The following SECISBP2 variants were observed in gnomAD, a reference collection of about 807,000 sequenced individuals.
SECISBP2 encodes selenocysteine insertion sequence-binding protein 2.
Under a neutral mutation model 98.2 loss-of-function variants are expected in SECISBP2, and 96 were observed. The observed-to-expected ratio is 0.98, with a 90% CI of 0.83 to 1.16. SECISBP2 has a LOEUF of 1.16. Ranked by LOEUF, SECISBP2 falls within the 50% of genes most tolerant of loss-of-function variation. The pLI is 0.00. For missense variants in SECISBP2, 1,046 were observed against 1,022.9 expected, an observed-to-expected ratio of 1.02 and a Z score of -0.31; for synonymous variants, 407 against 370.2, an observed-to-expected ratio of 1.10 and a Z score of -1.14.
At chr9:89,354,526 C>T (rs528262808) in intron 14 of SECISBP2, among the ~76,000 whole-genome samples, 1 of 152,278 alleles carries the variant, frequency 6.6e-6, no homozygotes, top group East Asian at 1.9e-4. Context: ...TGTTGGGGGC[C>T]GGTCACGCAG....
intron 1 of SECISBP2, 122 bp from the exon 2 acceptor site, chr9:89,319,530 A>G (rs953061550): frequency 1.7e-6 from 2 of 1,142,978 alleles, no homozygotes; most frequent in Admixed American, 1.7e-5. Flanking sequence ...ACGAGGCAGA[A>G]GTTTTTAAAC....
At chr9:89,353,217 C>G (rs542394198) in intron 14 of SECISBP2, among the ~76,000 whole-genome samples, 1 of 152,278 alleles carries the variant, frequency 6.6e-6, no homozygotes, top group South Asian at 2.1e-4. Context: ...CCAGCAAGTT[C>G]CCAGGTGCTG....
chr9:89,319,144 A>C lies in SECISBP2; in HGVS notation c.37-508A>C, dbSNP rs1269949036. 1.0e-5 allele frequency: 8 copies of C among 777,342 alleles called. No homozygotes were observed. The African/African-American group carries it at 1.1e-4, about 11-fold the overall frequency. The allele number at this position is 777,342 out of a possible 1,614,324, so 48.2% of individuals were successfully genotyped here. ...TGAAATTTCAAAGGCTCGTGGTGAT[A>C]ATATTTTCTAGCAAAGCAAGGTTTG... On this transcript the variant is annotated intron_variant, in intron 1 of 16. Transcript: ENST00000375807.
intron 16 of SECISBP2, among the ~76,000 whole-genome samples, 179 bp downstream of exon 16, chr9:89,358,370 C>G (rs1248877072): frequency 6.6e-6 from 1 of 152,226 alleles, no homozygotes; most frequent in Non-Finnish European, 1.5e-5. Context: ...AAGGGCTTGT[C>G]AGTGACTGTC....
intron 16 of SECISBP2, 31 bp downstream of exon 16, chr9:89,358,222 CG>C (rs773385605): frequency 6.3e-7 from 1 of 1,591,426 alleles, no homozygotes; most frequent in Non-Finnish European, 8.6e-7. Flanking sequence ...TGTGTCAGGT[CG>C]AGTGTCCTCT....
the SECISBP2 span, chr9:89,365,743 G>A: frequency 6.6e-6 from 1 of 152,260 alleles, no homozygotes; most frequent in Non-Finnish European, 1.5e-5. Flanking sequence ...CCAGTTACAG[G>A]TATTAAATGG....
At chr9:89,357,036 G>A in intron 14 of SECISBP2, 1 of 342,856 alleles carries the variant, frequency 2.9e-6, no homozygotes, top group South Asian at 2.3e-5. Context: ...GCCTCGACCA[G>A]GGGTACAATG....
Position 89,328,277 on chromosome 9 carries a change from A to G in SECISBP2, c.575-383A>G, listed in dbSNP as rs146842862. ...TAGGTTTGTTTACACTGGCATCACC[A>G]CAAACGTGAGTAATCGCACCATGAC... On this transcript the variant is annotated intron_variant, in intron 4 of 16. Coordinates refer to ENST00000375807, the MANE Select transcript of SECISBP2 (RefSeq NM_024077.5). 1.6e-3 allele frequency among the ~76,000 whole-genome samples: 242 copies of G among 152,334 alleles called. 1 individual carries two copies. Among genetic ancestry groups the G allele is most frequent in the African/African-American group, 5.7e-3 (235 of 41,576 alleles).
chr9:89,340,781 C>G (rs1829536455), intron 9 of SECISBP2, among the ~76,000 whole-genome samples: 1 of 152,208 alleles, frequency 6.6e-6, no homozygotes, highest in African/African-American at 2.4e-5. Context: ...TACCACTGGG[C>G]TTCCTTGTAC....
chr9:89,326,901 G>A (rs934709489), intron 4 of SECISBP2, among the ~76,000 whole-genome samples: 11 of 152,178 alleles, frequency 7.2e-5, no homozygotes, highest in Admixed American at 2.0e-4. Flanking sequence ...GGTGGCTCAC[G>A]CCTGTAATCC....
chr9:89,320,382 C>A (rs1389635544), intron 2 of SECISBP2, among the ~76,000 whole-genome samples: 6 of 116,968 alleles, frequency 5.1e-5, no homozygotes, highest in Non-Finnish European at 9.7e-5. Context: ...AAAAAAAAAT[C>A]CCGTTTCAAG....
Position 89,352,024 on chromosome 9 carries a change from A to C in SECISBP2, c.2113+1172A>C, listed in dbSNP as rs1167161970. ...TGTGGGATATTTCCTCCATATCTCC[A>C]TGTAAGAGGCTTGTGAGCAACTGCT... On this transcript the variant is annotated intron_variant, in intron 14 of 16. Transcript: ENST00000375807. 2.0e-5 allele frequency among the ~76,000 whole-genome samples: 3 copies of C among 152,196 alleles called. No individual in the cohort carries two copies. In the East Asian group the frequency reaches 5.8e-4, roughly 29 times the overall value.
rs964425061 is a variant in SECISBP2 at position 89,325,522 on chromosome 9, C to A, written c.278C>A (p.Ser93Tyr). Residue 93 changes from serine to tyrosine, a missense_variant, in exon 3 of 17, where the codon TCT (serine) becomes TAT (tyrosine). Coordinates refer to ENST00000375807, the MANE Select transcript of SECISBP2 (RefSeq NM_024077.5). ...ATAACTCTTCATCCATATGCCTATT[C>A]TCCTTATACCCTTGACTCCACACAG... ...SEITLHPYAY[S>Y]PYTLDSTQNV... 2 of 1,613,728 alleles carry A rather than the reference C, an allele frequency of 1.2e-6. No individual in the cohort carries two copies. Among genetic ancestry groups the A allele is most frequent in the African/African-American group, 2.7e-5 (2 of 74,728 alleles).
At chr9:89,357,147 C>G (rs1278537157) in intron 14 of SECISBP2, 12 of 491,682 alleles carry the variant, frequency 2.4e-5, no homozygotes, top group African/African-American at 2.3e-4. Context: ...GACACAGGAG[C>G]TAATAGGTGG....
In SECISBP2 at chr9:89,349,048, G is replaced by C. The variant is rs1049947826; in HGVS notation, c.1739-728G>C. On this transcript the variant is annotated intron_variant, in intron 12 of 16. Transcript: ENST00000375807. ...GAGCAGAATTGCTTTAGTAGCTCCT[G>C]CCCAATGGGTTTCTGACTGTTCTAC... 7.2e-5 allele frequency among the ~76,000 whole-genome samples: 11 copies of C among 152,202 alleles called. No homozygotes were observed. In the South Asian group the frequency reaches 8.3e-4, roughly 11 times the overall value.
intron 13 of SECISBP2, 37 bp downstream of exon 13, chr9:89,349,966 A>G: frequency 1.9e-6 from 3 of 1,612,740 alleles, no homozygotes; most frequent in Non-Finnish European, 2.5e-6. Flanking sequence ...CTAGGGGAAG[A>G]TGGAAGTGCT....
intron 5 of SECISBP2, among the ~76,000 whole-genome samples, chr9:89,331,139 T>C (rs963875891): frequency 2.0e-5 from 3 of 152,254 alleles, no homozygotes; most frequent in Non-Finnish European, 4.4e-5. Flanking sequence ...ACACATAATC[T>C]TTTAAAAATA....
intron 11 of SECISBP2, 93 bp downstream of exon 11, chr9:89,347,141 A>G: frequency 7.5e-7 from 1 of 1,325,464 alleles, no homozygotes; most frequent in Non-Finnish European, 1.1e-6. Context: ...TTTAGATTTT[A>G]CGACTTGTAT....
At chr9:89,346,714 T>C (rs1411283776) in intron 10 of SECISBP2, among the ~76,000 whole-genome samples, 168 bp from the exon 11 acceptor site, 1 of 139,540 alleles carries the variant, frequency 7.2e-6, no homozygotes, top group African/African-American at 2.5e-5. Flanking sequence ...ATGAAAAGAA[T>C]GTGTAAGAGA....
Sources: allele counts gnomAD v4.1 joint callset (sites outside exome capture counted in the v4.1 genomes callset), GRCh38; gene constraint gnomAD v4.1.1; transcripts MANE v1.5; gene names NCBI Gene and HGNC (gene_info 2026-07-23, HGNC 2026-07-21).